The following DOCK1 variants were observed in gnomAD, a reference collection of about 807,000 sequenced individuals.
DOCK1 encodes the protein dedicator of cytokinesis 1.
Under a neutral mutation model 262.7 loss-of-function variants are expected in DOCK1, and 138 were observed. The ratio of observed to expected loss-of-function variants is 0.53; its 90% CI spans 0.46 to 0.61. The LOEUF (loss-of-function observed/expected upper bound fraction) is 0.61. DOCK1 is among the 20% of genes least tolerant of loss of function. The pLI is 0.00. For synonymous variants in DOCK1, 866 were observed against 867.4 expected, an observed-to-expected ratio of 1.00 and a Z score of 0.03; for missense variants, 1,908 against 2,370.7, an observed-to-expected ratio of 0.80 and a Z score of 4.05.
chr10:127,010,451 AG>A (rs773741013), intron 11 of DOCK1, among the ~76,000 whole-genome samples: 25 of 152,344 alleles, frequency 1.6e-4, no homozygotes, highest in Non-Finnish European at 2.9e-4. Context: ...TGGGCGACAG[AG>A]GGAGATTCTG....
intron 18 of DOCK1, among the ~76,000 whole-genome samples, chr10:127,034,010 G>A (rs2043415403): frequency 6.6e-6 from 1 of 152,154 alleles, no homozygotes; most frequent in Non-Finnish European, 1.5e-5. Context: ...TTGTGGTTGT[G>A]TAGTGGTCTC....
chr10:127,336,757 T>G (rs867491027), intron 29 of DOCK1, among the ~76,000 whole-genome samples: 2 of 152,102 alleles, frequency 1.3e-5, no homozygotes, highest in South Asian at 2.1e-4. Context: ...GCCAGGATGG[T>G]CTCAATCTCC....
chr10:127,370,635 G>T (rs887389760), intron 33 of DOCK1, among the ~76,000 whole-genome samples: 2 of 152,316 alleles, frequency 1.3e-5, no homozygotes, highest in African/African-American at 2.4e-5. Flanking sequence ...TTTCAAATAG[G>T]TGCCAATAGC....
chr10:127,112,927 T>C (rs963723970), intron 25 of DOCK1, among the ~76,000 whole-genome samples: 1 of 152,136 alleles, frequency 6.6e-6, no homozygotes, highest in East Asian at 1.9e-4. Context: ...GTTTTTCTCA[T>C]CTGCAAGCTC....
chr10:127,274,890 A>G (rs896680255), intron 29 of DOCK1, among the ~76,000 whole-genome samples: 1 of 152,160 alleles, frequency 6.6e-6, no homozygotes, highest in Non-Finnish European at 1.5e-5. Flanking sequence ...TTGGAGGACC[A>G]CAAGCAGAAT....
At chr10:126,941,381 G>A (rs1314298735) in intron 1 of DOCK1, among the ~76,000 whole-genome samples, 1 of 147,006 alleles carries the variant, frequency 6.8e-6, no homozygotes, top group African/African-American at 2.4e-5. Context: ...TTCATTTCAT[G>A]GTGCTAGTTT....
chr10:127,136,532 A>G (rs1838924648), intron 27 of DOCK1: 1 of 152,610 alleles, frequency 6.6e-6, no homozygotes, highest in African/African-American at 2.4e-5. Flanking sequence ...TGAAAATCAA[A>G]AAATTGATAG....
At chr10:127,140,973 C>T (rs575941904) in intron 27 of DOCK1, among the ~76,000 whole-genome samples, 3 of 152,304 alleles carry the variant, frequency 2.0e-5, no homozygotes, top group East Asian at 3.9e-4. Context: ...GCTTCAGCTT[C>T]CCCTTCCTGC....
chr10:127,410,553 C>G (rs962255641), intron 42 of DOCK1, among the ~76,000 whole-genome samples: 4 of 152,168 alleles, frequency 2.6e-5, no homozygotes, highest in Non-Finnish European at 5.9e-5. Context: ...GCTTTTTTCT[C>G]TCTCCTTCGC....
intron 38 of DOCK1, among the ~76,000 whole-genome samples, chr10:127,400,544 C>T (rs78843019): frequency 0.011 from 1,728 of 152,312 alleles, 32 homozygotes; most frequent in African/African-American, 0.039. Context: ...TCAAGCCCAC[C>T]GCTTATCTGC....
chr10:127,266,758 C>G (rs1439715798), intron 29 of DOCK1, among the ~76,000 whole-genome samples: 2 of 152,132 alleles, frequency 1.3e-5, no homozygotes, highest in African/African-American at 4.8e-5. Context: ...GAAGATTTCC[C>G]TAGAGTTCTC....
chr10:127,324,496 C>T lies in DOCK1; in HGVS notation c.3045-14510C>T, dbSNP rs534638974. 6.0e-4 allele frequency among the ~76,000 whole-genome samples: 92 copies of T among 152,284 alleles called. 1 individual carries two copies. In the South Asian group the frequency reaches 0.019, roughly 31 times the overall value. ...GACCCATGTACATGTCATCTCAGGG[C>T]AGCTTTCTTTCTAAACCCATTTTGC... On this transcript the variant is annotated intron_variant, in intron 29 of 51. Coordinates refer to ENST00000623213, the MANE Select transcript of DOCK1 (RefSeq NM_001290223.2).
chr10:127,336,926 A>G (rs760147114), intron 29 of DOCK1, among the ~76,000 whole-genome samples: 5 of 152,212 alleles, frequency 3.3e-5, no homozygotes, highest in Non-Finnish European at 5.9e-5. Flanking sequence ...GCATATTGCA[A>G]CTGTTTGGGT....
chr10:127,259,839 C>T (rs1028098789), intron 29 of DOCK1, among the ~76,000 whole-genome samples: 1 of 148,500 alleles, frequency 6.7e-6, no homozygotes, highest in Non-Finnish European at 1.5e-5. Flanking sequence ...GTTGGAACAT[C>T]ATAGCCGCAT....
chr10:127,038,474 G>A (rs116025867), intron 19 of DOCK1, among the ~76,000 whole-genome samples: 58 of 152,246 alleles, frequency 3.8e-4, no homozygotes, highest in African/African-American at 1.2e-3. Context: ...AGTGCCTTCT[G>A]CAGGGTCGTT....
intron 16 of DOCK1, among the ~76,000 whole-genome samples, chr10:127,030,192 A>G (rs1250556084): frequency 6.6e-6 from 1 of 152,114 alleles, no homozygotes; most frequent in Non-Finnish European, 1.5e-5. Context: ...TCCCTCTCTG[A>G]TCTCTGTCCT....
At chr10:127,158,890 C>CT (rs1053646479) in intron 27 of DOCK1, among the ~76,000 whole-genome samples, 9 of 152,074 alleles carry the variant, frequency 5.9e-5, no homozygotes, top group African/African-American at 1.9e-4. Context: ...AAGGAGCTCT[C>CT]TTTTTTTGGT....
intron 27 of DOCK1, among the ~76,000 whole-genome samples, chr10:127,131,211 G>A (rs759244055): frequency 5.3e-5 from 8 of 152,082 alleles, no homozygotes; most frequent in Non-Finnish European, 1.0e-4. Flanking sequence ...TGGCATAGGG[G>A]TCTAAGCACT....
At chr10:126,957,160 C>CT (rs1265126868) in intron 1 of DOCK1, among the ~76,000 whole-genome samples, 6 of 152,214 alleles carry the variant, frequency 3.9e-5, no homozygotes, top group Non-Finnish European at 1.5e-5. Context: ...TTCAATTTTA[C>CT]TTTTTTATCA....
Sources: gnomAD v4.1 joint callset for allele counts (sites outside exome capture counted in the v4.1 genomes callset) on GRCh38, gnomAD v4.1.1 for gene constraint, MANE v1.5 for transcripts, NCBI Gene and HGNC (gene_info 2026-07-23, HGNC 2026-07-21) for gene names.